The following ATP6V1A variants were observed in gnomAD, a reference collection of about 807,000 sequenced individuals.
The protein encoded by ATP6V1A is ATPase H+ transporting V1 subunit A.
Under a neutral mutation model 70.1 loss-of-function variants are expected in ATP6V1A, and 18 were observed. That is an observed-to-expected ratio of 0.26 (90% CI 0.18 to 0.38). The LOEUF is 0.38. ATP6V1A is among the 10% of genes least tolerant of loss of function. The pLI, the probability that ATP6V1A is intolerant of heterozygous loss-of-function variation, is 1.00. For missense variants in ATP6V1A, 424 were observed against 772.4 expected (o/e 0.55, Z 5.35); for synonymous variants, 232 against 253.8 (o/e 0.91, Z 0.82).
At chr3:113,772,599 G>A (rs1347024094) in intron 1 of ATP6V1A, among the ~76,000 whole-genome samples, 5 of 151,826 alleles carry the variant, frequency 3.3e-5, no homozygotes, top group Non-Finnish European at 5.9e-5. Flanking sequence ...GTGGTGGCAG[G>A]CACCTATAGT....
chr3:113,750,787 A>G (rs1217916737), intron 1 of ATP6V1A, among the ~76,000 whole-genome samples: 1 of 152,236 alleles, frequency 6.6e-6, no homozygotes. Flanking sequence ...CTGAATTTCT[A>G]AAGACTTAAG....
rs2712354 is a variant in ATP6V1A, at chr3:113,780,827, T to A, written c.83-223T>A. ...ACTTGAAATGTTTGAAAAGTTTTCA[T>A]GTATATTATGTAAATAAATAATCTT... is the stretch of plus-strand genomic sequence containing the variant. On this transcript the variant is annotated intron_variant, in intron 2 of 14. Coordinates refer to ENST00000273398, the MANE Select transcript of ATP6V1A (RefSeq NM_001690.4). The A allele has an allele frequency of 1.3e-5, 17 of 1,329,084 alleles. No individual in the cohort carries two copies. The African/African-American group carries it at 2.5e-4, about 20-fold the overall frequency. The allele number at this position is 1,329,084 out of a possible 1,614,324, so 82.3% of individuals were successfully genotyped here.
At chr3:113,782,556 ACATGTG>A (rs1708988762) in intron 3 of ATP6V1A, among the ~76,000 whole-genome samples, 2 of 146,750 alleles carry the variant, frequency 1.4e-5, no homozygotes, top group African/African-American at 5.0e-5. Flanking sequence ...ATATATATAT[ACATGTG>A]TATATATATA....
At chr3:113,771,728 C>T (rs759060137) in intron 1 of ATP6V1A, among the ~76,000 whole-genome samples, 102 of 152,110 alleles carry the variant, frequency 6.7e-4, no homozygotes, top group African/African-American at 2.2e-3. Flanking sequence ...TGACCCACCG[C>T]GCCCGGCCTC....
Position 113,748,333 on chromosome 3 carries a change from C to T in ATP6V1A, c.-14+1220C>T, listed in dbSNP as rs376911406. 3.3e-5 allele frequency among the ~76,000 whole-genome samples: 5 copies of T among 152,244 alleles called. No individual in the cohort carries two copies. In the East Asian group the frequency reaches 9.6e-4, roughly 29 times the overall value. Reference sequence around the variant, plus strand: ...ATGTTTTTCAGTTTGTGGTTAAACTCTTTTATTTATACTGCAAACTCAGAA... The same window carrying T: ...ATGTTTTTCAGTTTGTGGTTAAACTTTTTTATTTATACTGCAAACTCAGAA... On this transcript the variant is annotated intron_variant, in intron 1 of 14. Transcript: ENST00000273398.
At chr3:113,809,255 C>CA (rs369206173) in intron 14 of ATP6V1A, 80 bp from the exon 15 acceptor site, 87,996 of 952,224 alleles carry the variant, frequency 0.092, 7 homozygotes, top group Non-Finnish European at 0.099. Context: ...ACTCTGCCTC[C>CA]AAAAAAAAAA....
chr3:113,774,709 A>G (rs544776782), intron 1 of ATP6V1A, among the ~76,000 whole-genome samples: 26 of 152,050 alleles, frequency 1.7e-4, no homozygotes, highest in African/African-American at 4.8e-4. Context: ...GCTACTCAGG[A>G]GGCTGAGGCA....
intron 1 of ATP6V1A, among the ~76,000 whole-genome samples, chr3:113,770,951 T>C (rs1708832242): frequency 6.6e-6 from 1 of 151,780 alleles, no homozygotes; most frequent in Non-Finnish European, 1.5e-5. Flanking sequence ...AAAAATTAGC[T>C]GGGTGTGGGG....
intron 6 of ATP6V1A, among the ~76,000 whole-genome samples, chr3:113,786,725 T>G (rs138739319): frequency 6.8e-4 from 102 of 150,438 alleles, no homozygotes; most frequent in Middle Eastern, 6.8e-3. Flanking sequence ...AATTAAATTT[T>G]CTGAAGAAAA....
At chr3:113,794,021 G>A (rs562132449) in intron 8 of ATP6V1A, among the ~76,000 whole-genome samples, 3 of 152,054 alleles carry the variant, frequency 2.0e-5, no homozygotes, top group South Asian at 4.2e-4. Flanking sequence ...TTTTTAATAG[G>A]TTAGGAAGCC....
At chr3:113,763,367 A>G (rs746212403) in intron 1 of ATP6V1A, among the ~76,000 whole-genome samples, 54 of 152,200 alleles carry the variant, frequency 3.5e-4, no homozygotes, top group Admixed American at 1.8e-3. Context: ...GATTACAGGC[A>G]TGAGCCGCCA....
chr3:113,807,473 G>A (rs571364620), intron 14 of ATP6V1A, among the ~76,000 whole-genome samples: 22 of 152,130 alleles, frequency 1.4e-4, no homozygotes, highest in African/African-American at 4.3e-4. Context: ...GAGCCACTAC[G>A]CTAAACCAAA....
In ATP6V1A at chr3:113,809,342, T is replaced by A. The variant is rs754385106; in HGVS notation, c.1769T>A (p.Leu590Gln). ...TGTAATGTCTTCTTTCAGGATCCACTGAAAGATGGTGAGGCAAAGATCAAA... is the reference window on the plus strand; with the variant it reads ...TGTAATGTCTTCTTTCAGGATCCACAGAAAGATGGTGAGGCAAAGATCAAA... The part of the protein sequence containing the change: ...KLSSMKFKDP[L>Q]KDGEAKIKSD... The change falls in exon 15 of 15, where the codon CTG (leucine) becomes CAG (glutamine). Residue 590 changes from leucine (L) to glutamine (Q), a missense_variant. Physicochemically the swap from Leu to Gln is moderately radical, Grantham distance 113 (BLOSUM62 -2). Coordinates refer to ENST00000273398, the MANE Select transcript of ATP6V1A (RefSeq NM_001690.4). The A allele has an allele frequency of 1.6e-5, 25 of 1,612,764 alleles. No individual in the cohort carries two copies. The highest frequency in any genetic ancestry group is 1.0e-4 in the Admixed American group (6 of 59,810).
intron 1 of ATP6V1A, among the ~76,000 whole-genome samples, chr3:113,758,237 G>A (rs1708666450): frequency 6.6e-6 from 1 of 152,212 alleles, no homozygotes; most frequent in African/African-American, 2.4e-5. Flanking sequence ...TAGGAGTCAT[G>A]CTGGCAATAA....
chr3:113,760,274 T>G (rs1708688231), intron 1 of ATP6V1A, among the ~76,000 whole-genome samples: 1 of 152,250 alleles, frequency 6.6e-6, no homozygotes, highest in Non-Finnish European at 1.5e-5. Context: ...TCTTTTCTTC[T>G]TTTATCCTTT....
intron 1 of ATP6V1A, among the ~76,000 whole-genome samples, chr3:113,753,635 TCTA>T (rs1464239196): frequency 1.3e-5 from 2 of 152,110 alleles, no homozygotes; most frequent in Admixed American, 1.3e-4. Flanking sequence ...AGGAGTTAAA[TCTA>T]CTGGTGATTA....
intron 1 of ATP6V1A, among the ~76,000 whole-genome samples, chr3:113,764,471 TGTC>T (rs1284312672): frequency 6.6e-6 from 1 of 152,210 alleles, no homozygotes; most frequent in Non-Finnish European, 1.5e-5. Flanking sequence ...TGGGAAATAA[TGTC>T]AATCATATTC....
intron 1 of ATP6V1A, chr3:113,747,339 GTGAGTGCGGCCAT>G (rs1416034436): frequency 2.6e-5 from 4 of 152,374 alleles, no homozygotes; most frequent in Non-Finnish European, 4.4e-5. Context: ...AGGGTTGGAA[GTGAGTGCGGCCAT>G]TATGGTTCCC....
chr3:113,797,723 G>A (rs1709168537), intron 11 of ATP6V1A, among the ~76,000 whole-genome samples: 1 of 152,290 alleles, frequency 6.6e-6, no homozygotes, highest in South Asian at 2.1e-4. Context: ...CGATTTGTAG[G>A]TATTATGCAC....
Sources: allele counts gnomAD v4.1 joint callset (sites outside exome capture counted in the v4.1 genomes callset), GRCh38; gene constraint gnomAD v4.1.1; transcripts MANE v1.5; gene names NCBI Gene and HGNC (gene_info 2026-07-23, HGNC 2026-07-21).